DSTYK: variants seen among roughly 807,000 people sequenced by gnomAD.
The protein encoded by DSTYK is RIP-homologous kinase.
DSTYK carries 34 observed loss-of-function variants against 98.7 expected under a neutral mutation model. The observed-to-expected ratio is 0.34, with a 90% CI of 0.26 to 0.46. The LOEUF is 0.46. Ranked by LOEUF, DSTYK falls within the 20% of genes least tolerant of loss-of-function variation. The pLI is 1.00. For missense variants in DSTYK, 962 were observed against 1,181.7 expected (o/e 0.81, Z 2.73); for synonymous variants, 462 against 457.3 (o/e 1.01, Z -0.13).
chr1:205,187,495 C>T lies in DSTYK; in HGVS notation c.577G>A (p.Glu193Lys), dbSNP rs1360778637. Residue 193 changes from glutamate (E) to lysine (K), a missense_variant, in exon 2 of 13, where the codon GAG (glutamate) becomes AAG (lysine). Around this residue, in one of 4 missense-constraint regions of DSTYK, gnomAD observed 660 missense variants for 855.0 expected, o/e 0.77. Coordinates refer to ENST00000367162, the MANE Select transcript of DSTYK (RefSeq NM_015375.3). The stretch of plus-strand genomic sequence containing the variant: ...GCATCCTCATTGTTCTCTTGGACCT[C>T]CAGATCCTCCTCAGGGATGGTCTCC... Reference protein sequence around the residue: ...NWETIPEEDLEVQENNEDAAH... With the variant: ...NWETIPEEDLKVQENNEDAAH... 15 of 1,614,106 alleles carry T rather than the reference C, an allele frequency of 9.3e-6. No individual in the cohort carries two copies. Among genetic ancestry groups the T allele is most frequent in the Non-Finnish European group, 1.3e-5 (15 of 1,180,044 alleles).
intron 1 of DSTYK, among the ~76,000 whole-genome samples, chr1:205,203,874 C>T (rs1326969243): frequency 2.0e-5 from 3 of 151,494 alleles, no homozygotes; most frequent in Non-Finnish European, 4.4e-5. Context: ...AAGATCATGC[C>T]ACTGCACTCC....
At chr1:205,210,610 C>T (rs866221486) in intron 1 of DSTYK, among the ~76,000 whole-genome samples, 1 of 152,184 alleles carries the variant, frequency 6.6e-6, no homozygotes, top group Non-Finnish European at 1.5e-5. Flanking sequence ...GTAGCTAGTT[C>T]TCCATTGGCT....
At chr1:205,164,016 A>G (rs1657814097) in intron 3 of DSTYK, 61 bp from the exon 4 acceptor site, 4 of 1,408,524 alleles carry the variant, frequency 2.8e-6, no homozygotes, top group Non-Finnish European at 4.0e-6. Flanking sequence ...CACACTAAAT[A>G]AAGTCATCTC....
intron 8 of DSTYK, 70 bp from the exon 9 acceptor site, chr1:205,159,749 T>C: frequency 6.3e-7 from 1 of 1,591,130 alleles, no homozygotes; most frequent in Non-Finnish European, 8.6e-7. Flanking sequence ...CCACAATGTA[T>C]GAGACAATAA....
chr1:205,161,285 A>G lies in DSTYK; in HGVS notation c.1921T>C (p.Cys641Arg), dbSNP rs3851294. Residue 641 changes from cysteine (C) to arginine (R), a missense_variant, in exon 7 of 13, where the codon TGT (cysteine) becomes CGT (arginine). Transcript: ENST00000367162. ...PRLARLSLES[C>R]SLQDVLLHRK... is the part of the protein sequence containing the mutation. ...TGAAGCAAGACATCCTGTAAAGAAC[A>G]GCTTTCCAGAGAAAGGCGGGCCAGG... The G allele has an allele frequency of 0.92, 1,480,953 of 1,614,030 alleles. 680,196 individuals are homozygous for G. The highest frequency in any genetic ancestry group is 1 in the East Asian group (44,868 of 44,880).
intron 11 of DSTYK, among the ~76,000 whole-genome samples, chr1:205,149,975 C>T (rs1657355540): frequency 6.6e-6 from 1 of 152,162 alleles, no homozygotes; most frequent in Non-Finnish European, 1.5e-5. Flanking sequence ...ATCATAGCTC[C>T]ATTACCTTTT....
At chr1:205,163,339 C>T (rs373064928) in intron 4 of DSTYK, among the ~76,000 whole-genome samples, 115 of 152,228 alleles carry the variant, frequency 7.6e-4, no homozygotes, top group African/African-American at 2.7e-3. Flanking sequence ...CCTGCCTCAG[C>T]CTCCCAAGTA....
In DSTYK at chr1:205,187,502, C is replaced by T; in HGVS notation, c.570G>A (p.Glu190=). ...CATTGTTCTCTTGGACCTCCAGATCCTCCTCAGGGATGGTCTCCCAGTTGC... is the reference window on the plus strand; with the variant it reads ...CATTGTTCTCTTGGACCTCCAGATCTTCCTCAGGGATGGTCTCCCAGTTGC... ...HQGNWETIPE[E]DLEVQENNED... is the part of the protein sequence containing the mutation. Residue 190 remains glutamate, a synonymous_variant, in exon 2 of 13, where the codon GAG becomes GAA. Transcript: ENST00000367162. 1.2e-6 allele frequency: 2 copies of T among 1,614,202 alleles called. No homozygotes were observed. Among genetic ancestry groups the T allele is most frequent in the Non-Finnish European group, 8.5e-7 (1 of 1,180,034 alleles).
rs1244913688 is a variant in DSTYK at position 205,169,918 on chromosome 1, C to A, written c.655-86G>T. 1.5e-6 allele frequency: 2 copies of A among 1,296,524 alleles called. No individual in the cohort carries two copies. The highest frequency in any genetic ancestry group is 2.1e-6 in the Non-Finnish European group (2 of 952,474). The allele number at this position is 1,296,524 out of a possible 1,614,324, so 80.3% of individuals were successfully genotyped here. On this transcript the variant is annotated intron_variant, in intron 2 of 12. Transcript: ENST00000367162. The surrounding 1 kb of genome is among the most constrained non-coding windows in gnomAD (Gnocchi z 4.0). ...CAAAGTCCCACACTGAGACCAAAAT[C>A]CTGATCTACAATGGAACAATTGGAC...
At chr1:205,159,462 A>G (rs1657652362) in intron 9 of DSTYK, 85 bp downstream of exon 9, 1 of 1,419,810 alleles carries the variant, frequency 7.0e-7, no homozygotes, top group Non-Finnish European at 9.4e-7. Context: ...ATGAAAGCTA[A>G]AAGCTCTTAA....
intron 1 of DSTYK, among the ~76,000 whole-genome samples, chr1:205,192,588 G>A (rs1380581470): frequency 2.0e-5 from 3 of 151,964 alleles, no homozygotes; most frequent in Non-Finnish European, 4.4e-5. Flanking sequence ...CAGGCTGGGC[G>A]TAGTGGTTCA....
intron 10 of DSTYK, among the ~76,000 whole-genome samples, chr1:205,152,400 C>T (rs1039829190): frequency 6.6e-6 from 1 of 152,222 alleles, no homozygotes; most frequent in African/African-American, 2.4e-5. Context: ...TGGTCTCGAA[C>T]TCCCAACCTC....
At chr1:205,148,061 T>C (rs1043886978) in intron 12 of DSTYK, 144 bp downstream of exon 12, 2 of 1,019,932 alleles carry the variant, frequency 2.0e-6, no homozygotes, top group African/African-American at 3.2e-5. Flanking sequence ...TTAAATATCT[T>C]TTCTGGATTC....
At chr1:205,157,670 G>A (rs527349389) in intron 9 of DSTYK, among the ~76,000 whole-genome samples, 4 of 151,652 alleles carry the variant, frequency 2.6e-5, no homozygotes, top group Non-Finnish European at 2.9e-5. Context: ...GCTGAGGCAG[G>A]AGAATCACTT....
At chr1:205,203,260 A>G (rs898950539) in intron 1 of DSTYK, among the ~76,000 whole-genome samples, 8 of 150,720 alleles carry the variant, frequency 5.3e-5, no homozygotes, top group Non-Finnish European at 1.2e-4. Flanking sequence ...AGGTGGCCAG[A>G]TCACTTGAGG....
At chr1:205,181,656 T>TGGGG (rs1558616449) in intron 2 of DSTYK, among the ~76,000 whole-genome samples, 51 of 142,642 alleles carry the variant, frequency 3.6e-4, no homozygotes, top group Admixed American at 8.3e-4. Flanking sequence ...ATGTTGGGGT[T>TGGGG]TGTGTGTGTG....
chr1:205,209,143 A>G (rs1659290608), intron 1 of DSTYK, among the ~76,000 whole-genome samples: 1 of 152,258 alleles, frequency 6.6e-6, no homozygotes, highest in Non-Finnish European at 1.5e-5. Context: ...TTTTTAAAGA[A>G]TAAAAACAAC....
intron 1 of DSTYK, among the ~76,000 whole-genome samples, chr1:205,192,308 G>C (rs536291718): frequency 1.3e-5 from 2 of 152,148 alleles, no homozygotes; most frequent in South Asian, 2.1e-4. Flanking sequence ...GACATGGATG[G>C]ATGGATGGAG....
chr1:205,196,907 C>T (rs1014701209), intron 1 of DSTYK, among the ~76,000 whole-genome samples: 8 of 151,610 alleles, frequency 5.3e-5, no homozygotes, highest in African/African-American at 1.9e-4. Context: ...TACAAGCATG[C>T]ACCACCATGC....
Sources: allele counts gnomAD v4.1 joint callset (sites outside exome capture counted in the v4.1 genomes callset), GRCh38; gene constraint gnomAD v4.1.1; regional missense constraint gnomAD v4.1.1; non-coding constraint Gnocchi (gnomAD v3.1); transcripts MANE v1.5; gene names NCBI Gene and HGNC (gene_info 2026-07-23, HGNC 2026-07-21).